Variants in ITPR2 observed in about 807,000 individuals in gnomAD.
The protein encoded by ITPR2 is inositol 1,4,5-trisphosphate-gated calcium channel ITPR2.
Under a neutral mutation model 317.1 loss-of-function variants are expected in ITPR2, and 207 were observed. The observed-to-expected ratio is 0.65, with a 90% CI of 0.58 to 0.73. The LOEUF (loss-of-function observed/expected upper bound fraction) is 0.73. ITPR2 is among the 30% of genes least tolerant of loss of function. The pLI is 0.00. For synonymous variants in ITPR2, 1,156 were observed against 1,149.1 expected (o/e 1.01, Z -0.12); for missense variants, 2,613 against 3,284.0 (o/e 0.80, Z 4.99).
At chr12:26,605,333 A>C (rs978377491) in intron 26 of ITPR2, among the ~76,000 whole-genome samples, 5 of 152,058 alleles carry the variant, frequency 3.3e-5, no homozygotes, top group Non-Finnish European at 5.9e-5. Flanking sequence ...AAATATAATT[A>C]GATTTCCTTT....
chr12:26,736,123 A>G (rs575808749), intron 2 of ITPR2, among the ~76,000 whole-genome samples: 1 of 152,156 alleles, frequency 6.6e-6, no homozygotes, highest in Non-Finnish European at 1.5e-5. Context: ...TTCTGCTCTG[A>G]AGGGTTTTAC....
At chr12:26,638,633 C>T (rs1946913927) in intron 21 of ITPR2, among the ~76,000 whole-genome samples, 1 of 152,104 alleles carries the variant, frequency 6.6e-6, no homozygotes, top group Non-Finnish European at 1.5e-5. Flanking sequence ...ACAGAAGGGC[C>T]TTTAGTTCTT....
intron 55 of ITPR2, 84 bp downstream of exon 55, chr12:26,387,350 T>A: frequency 7.9e-7 from 1 of 1,264,954 alleles, no homozygotes; most frequent in South Asian, 1.4e-5. Context: ...ACAATCTTCA[T>A]ATTTTGGGAG....
At chr12:26,582,068 T>C (rs997958361) in intron 32 of ITPR2, among the ~76,000 whole-genome samples, 16 of 152,178 alleles carry the variant, frequency 1.1e-4, no homozygotes, top group African/African-American at 3.9e-4. Context: ...AAGTCTGTGT[T>C]TTACAAAGCT....
chr12:26,633,157 T>G (rs571209912), intron 21 of ITPR2, among the ~76,000 whole-genome samples: 1 of 148,412 alleles, frequency 6.7e-6, no homozygotes, highest in South Asian at 2.1e-4. Context: ...AAAAAAAAAC[T>G]CTGAGCTCTA....
chr12:26,657,617 C>T, intron 18 of ITPR2, 90 bp downstream of exon 18: 1 of 1,081,356 alleles, frequency 9.2e-7, no homozygotes, highest in Non-Finnish European at 1.4e-6. Context: ...ATTGCCTCTT[C>T]ATAGATACCT....
chr12:26,722,199 A>G (rs553138984), intron 5 of ITPR2, among the ~76,000 whole-genome samples, 198 bp downstream of exon 5: 2 of 152,342 alleles, frequency 1.3e-5, no homozygotes, highest in East Asian at 3.9e-4. Context: ...ATTTTAAATT[A>G]ATCTGAACTT....
intron 1 of ITPR2, among the ~76,000 whole-genome samples, chr12:26,827,373 G>GA (rs1331310804): frequency 1.3e-5 from 2 of 152,032 alleles, no homozygotes; most frequent in Non-Finnish European, 2.9e-5. Context: ...GGATAATGGG[G>GA]AAAAAAAGGA....
chr12:26,666,423 C>T (rs899013023), intron 13 of ITPR2, among the ~76,000 whole-genome samples: 6 of 152,152 alleles, frequency 3.9e-5, no homozygotes, highest in Admixed American at 2.0e-4. Flanking sequence ...CCATGTGAGT[C>T]GCAACTGCAC....
At chr12:26,597,994 T>C (rs183985764) in intron 30 of ITPR2, among the ~76,000 whole-genome samples, 1 of 152,320 alleles carries the variant, frequency 6.6e-6, no homozygotes, top group East Asian at 1.9e-4. Context: ...GTATCAAAAA[T>C]ATGTATTATA....
At chr12:26,637,088 A>T (rs148008503) in intron 21 of ITPR2, among the ~76,000 whole-genome samples, 51 of 152,308 alleles carry the variant, frequency 3.3e-4, no homozygotes, top group Non-Finnish European at 6.8e-4. Flanking sequence ...ATCTTACCCA[A>T]CCAGCTTTTA....
intron 7 of ITPR2, 43 bp downstream of exon 7, chr12:26,715,709 C>A (rs377137998): frequency 9.1e-5 from 114 of 1,253,030 alleles, no homozygotes; most frequent in Non-Finnish European, 1.3e-4. Flanking sequence ...AGTAAGACTA[C>A]CATCATTTCT....
Position 26,602,372 on chromosome 12 carries a change from T to C in ITPR2, c.3676A>G (p.Lys1226Glu), listed in dbSNP as rs1268562836. The change falls in exon 28 of 57, where the codon AAG becomes GAG. Residue 1226 changes from lysine to glutamate, a missense_variant and splice_region_variant. This residue lies in a region of ITPR2 where 817 missense variants were observed against 897.6 expected (regional missense o/e 0.91). Transcript: ENST00000381340. ...VLDLLQIPYE[K>E]NDEKMNEVMN... Reference sequence around the variant, plus strand: ...AACAAAAAATAACCAGGACTAACCTTTTCATAGGGTATCTGCAGAAGATCC... The same window carrying C: ...AACAAAAAATAACCAGGACTAACCTCTTCATAGGGTATCTGCAGAAGATCC... 6.2e-7 allele frequency: 1 copy of C among 1,611,162 alleles called. No homozygotes were observed. Among genetic ancestry groups the C allele is most frequent in the Admixed American group, 1.7e-5 (1 of 59,576 alleles).
rs752504710 is a variant in ITPR2 at position 26,654,078 on chromosome 12, T to A, written c.2638A>T (p.Ser880Cys). The A allele has an allele frequency of 7.9e-6, 12 of 1,519,676 alleles. No homozygotes were observed. The highest frequency in any genetic ancestry group is 9.7e-6 in the Non-Finnish European group (11 of 1,133,232). 94.1% of individuals were successfully genotyped at this position (1,519,676 alleles called of 1,614,324 possible). ...NLIYFGFYSF[S>C]ELLRLTRTLL... ...GTTCTTGTTAGCCTTAATAACTCAC[T>A]GAAACTATAAAATCCAAAGTATATA... Residue 880 changes from serine to cysteine, a missense_variant, in exon 21 of 57, where the codon AGT becomes TGT. Physicochemically the swap from Ser to Cys is moderately radical, Grantham distance 112. Transcript: ENST00000381340.
intron 8 of ITPR2, 75 bp downstream of exon 8, chr12:26,715,224 A>G: frequency 7.5e-7 from 1 of 1,329,890 alleles, no homozygotes; most frequent in Non-Finnish European, 1.0e-6. Context: ...TGCCTATAAC[A>G]ATAAAACAAC....
intron 46 of ITPR2, among the ~76,000 whole-genome samples, chr12:26,440,217 AAAC>A (rs549040091): frequency 7.9e-5 from 12 of 152,052 alleles, no homozygotes; most frequent in South Asian, 2.1e-4. Context: ...GAGACACACA[AAAC>A]AACAACAACA....
At chr12:26,428,585 T>C (rs1272937199) in intron 48 of ITPR2, among the ~76,000 whole-genome samples, 2 of 152,200 alleles carry the variant, frequency 1.3e-5, no homozygotes, top group Non-Finnish European at 2.9e-5. Flanking sequence ...AACTGCTAAA[T>C]ACACATACAT....
chr12:26,346,397 C>G (rs1022935240), intron 55 of ITPR2, among the ~76,000 whole-genome samples: 4 of 152,130 alleles, frequency 2.6e-5, no homozygotes, highest in Non-Finnish European at 5.9e-5. Flanking sequence ...CCGAGGTGGG[C>G]AGATCACCTG....
intron 45 of ITPR2, 147 bp downstream of exon 45, chr12:26,475,149 G>T: frequency 1.2e-6 from 1 of 821,830 alleles, no homozygotes; most frequent in South Asian, 1.8e-5. Context: ...CAGGCATTCT[G>T]GGAGGCTGTT....
Sources: allele counts gnomAD v4.1 joint callset (sites outside exome capture counted in the v4.1 genomes callset), GRCh38; gene constraint gnomAD v4.1.1; regional missense constraint gnomAD v4.1.1; transcripts MANE v1.5; gene names NCBI Gene and HGNC (gene_info 2026-07-23, HGNC 2026-07-21).